The following MAK variants were observed in gnomAD, a reference collection of about 807,000 sequenced individuals.
MAK encodes serine/threonine-protein kinase MAK.
In MAK, 65 loss-of-function variants were observed where a neutral mutation model predicts 82.6. That is an observed-to-expected ratio of 0.79 (90% confidence interval 0.64 to 0.97). MAK has a LOEUF of 0.97. Among genes scored for constraint, MAK ranks in the 50% least tolerant of loss-of-function variants. MAK has a pLI of 0.00. For missense variants in MAK, 703 were observed against 780.2 expected (o/e 0.90, Z 1.18); for synonymous variants, 250 against 274.2 (o/e 0.91, Z 0.87).
rs1775217721 is a variant in MAK, at chr6:10,793,064, T to C, written c.1144-1217A>G. 6.6e-6 allele frequency among the ~76,000 whole-genome samples: 1 copy of C among 151,844 alleles called. No homozygotes were observed. Among genetic ancestry groups the C allele is most frequent in the Admixed American group, 6.6e-5 (1 of 15,252 alleles). Reference sequence around the variant, plus strand: ...GGCAAATATAATACTTTTAATAAAGTAGAAGATTTATTTTTGCAAACTCCA... The same window carrying C: ...GGCAAATATAATACTTTTAATAAAGCAGAAGATTTATTTTTGCAAACTCCA... On this transcript the variant is annotated intron_variant, in intron 9 of 14. Coordinates refer to ENST00000354489, the MANE Select transcript of MAK (RefSeq NM_001242957.3). The surrounding 1 kb of genome is among the most constrained non-coding windows in gnomAD (Gnocchi z 4.6).
rs1775933225 is a variant in MAK at position 10,800,525 on chromosome 6, G to C, written c.831+1367C>G. On this transcript the variant is annotated intron_variant, in intron 8 of 14. Transcript: ENST00000354489. This position sits in a 1 kb window ranked among gnomAD's most constrained non-coding sequence, Gnocchi z 4.2. Reference sequence around the variant, plus strand: ...CCTTTTGTTTCTAACAGTTTAGGGTGCTTTTTTTTTTACACTTTGAAAATG... The same window carrying C: ...CCTTTTGTTTCTAACAGTTTAGGGTCCTTTTTTTTTTACACTTTGAAAATG... Among the ~76,000 whole-genome samples the C allele has an allele frequency of 6.6e-6, 1 of 151,172 alleles. No individual in the cohort carries two copies. The highest frequency in any genetic ancestry group is 6.6e-5 in the Admixed American group (1 of 15,164).
Position 10,770,164 on chromosome 6 carries a change from A to G in MAK, c.1739T>C (p.Val580Ala), listed in dbSNP as rs1772870080. The G allele has an allele frequency of 1.9e-6, 3 of 1,614,058 alleles. No individual in the cohort carries two copies. Among genetic ancestry groups the G allele is most frequent in the African/African-American group, 2.7e-5 (2 of 74,932 alleles). The change falls in exon 14 of 15, where the codon GTG (valine) becomes GCG (alanine). Residue 580 changes from valine (V) to alanine (A), a missense_variant. Val to Ala is a moderately conservative substitution (Grantham distance 64). Transcript: ENST00000354489. ...GYIPSFLKKE[V>A]QSAGQRIHLA... is the part of the protein sequence containing the mutation. ...GTGGATCCTCTGGCCAGCTGACTGCACTTCTTTTTTGAGAAAGGAAGGAAT... is the reference window on the plus strand; with the variant it reads ...GTGGATCCTCTGGCCAGCTGACTGCGCTTCTTTTTTGAGAAAGGAAGGAAT...
At chr6:10,835,737 G>A (rs1409028313) in intron 1 of MAK, among the ~76,000 whole-genome samples, 3 of 152,162 alleles carry the variant, frequency 2.0e-5, no homozygotes, top group Non-Finnish European at 4.4e-5. Flanking sequence ...ATGGAAGAGG[G>A]AGCTGCCTCT....
At chr6:10,766,510 A>G (rs776943610) in intron 14 of MAK, among the ~76,000 whole-genome samples, 1 of 152,258 alleles carries the variant, frequency 6.6e-6, no homozygotes, top group East Asian at 1.9e-4. Flanking sequence ...CTAAAAAGCT[A>G]TCTAACAAAG....
intron 13 of MAK, among the ~76,000 whole-genome samples, chr6:10,770,719 G>C: frequency 6.6e-6 from 1 of 152,146 alleles, no homozygotes; most frequent in East Asian, 1.9e-4. Flanking sequence ...GAATCTGTAC[G>C]CATTAAACGT....
At chr6:10,809,529 G>A (rs1028917875) in intron 5 of MAK, among the ~76,000 whole-genome samples, 5 of 152,090 alleles carry the variant, frequency 3.3e-5, no homozygotes, top group Admixed American at 6.6e-5. Flanking sequence ...GTTTTGCCAC[G>A]TCACCCAGGC....
intron 10 of MAK, among the ~76,000 whole-genome samples, chr6:10,790,900 T>A (rs1346932670): frequency 2.9e-4 from 44 of 152,174 alleles, no homozygotes; most frequent in Non-Finnish European, 4.4e-5. Flanking sequence ...TCACTCTGAG[T>A]TCATGCAAGA....
chr6:10,826,980 A>G (rs956653595), intron 2 of MAK, among the ~76,000 whole-genome samples: 18 of 152,228 alleles, frequency 1.2e-4, no homozygotes, highest in East Asian at 1.9e-4. Flanking sequence ...GCGTGGTGGT[A>G]CATGCCTGTA....
At chr6:10,774,980 T>TA (rs1773339444) in intron 12 of MAK, among the ~76,000 whole-genome samples, 2 of 152,198 alleles carry the variant, frequency 1.3e-5, no homozygotes, top group South Asian at 4.1e-4. Flanking sequence ...ACCTTTTTTT[T>TA]ATTATTGTAC....
intron 13 of MAK, among the ~76,000 whole-genome samples, chr6:10,772,794 G>A (rs1333304018): frequency 3.9e-5 from 6 of 151,958 alleles, no homozygotes; most frequent in African/African-American, 1.5e-4. Flanking sequence ...ATAAATTTCC[G>A]TAATTAATTT....
intron 4 of MAK, among the ~76,000 whole-genome samples, chr6:10,815,944 A>ATATATG: frequency 9.6e-6 from 1 of 104,314 alleles, no homozygotes; most frequent in African/African-American, 3.4e-5. Flanking sequence ...ATATATATAT[A>ATATATG]TATGTATGTT....
intron 11 of MAK, among the ~76,000 whole-genome samples, chr6:10,780,526 C>T (rs1186580181): frequency 6.8e-6 from 1 of 146,020 alleles, no homozygotes; most frequent in Non-Finnish European, 1.5e-5. Context: ...GCGATCTCAG[C>T]TCACTGCAGC....
At chr6:10,821,106 G>A (rs1029554540) in intron 2 of MAK, among the ~76,000 whole-genome samples, 42 of 151,766 alleles carry the variant, frequency 2.8e-4, no homozygotes, top group African/African-American at 8.2e-4. Context: ...ATGCCACCAC[G>A]CCCAGCAACT....
intron 6 of MAK, among the ~76,000 whole-genome samples, chr6:10,804,144 CAACTG>C (rs1776228948): frequency 6.6e-6 from 1 of 151,892 alleles, no homozygotes; most frequent in South Asian, 2.1e-4. Flanking sequence ...GACAGGAACT[CAACTG>C]AATAGATATG....
Position 10,791,830 on chromosome 6 carries a change from CAG to C in MAK, c.1159_1160del (p.Leu387GlufsTer3). On this transcript the variant is annotated frameshift_variant, in exon 10 of 15. Coordinates refer to ENST00000354489, the MANE Select transcript of MAK (RefSeq NM_001242957.3). LOFTEE classifies it high-confidence loss of function. ...KNMPTKPNGT[L>X]SHKSGRRRWG... Reference sequence around the variant, plus strand: ...AACGCCTCCTACCACTTTTATGACTCAGTGTGCCATTTGGCTTCTGTGGTGGA... The same window carrying C: ...AACGCCTCCTACCACTTTTATGACTCTGTGCCATTTGGCTTCTGTGGTGGA... 6.2e-7 allele frequency: 1 copy of C among 1,614,132 alleles called. No homozygotes were observed. The highest frequency in any genetic ancestry group is 8.5e-7 in the Non-Finnish European group (1 of 1,180,030).
intron 11 of MAK, among the ~76,000 whole-genome samples, chr6:10,781,436 T>C (rs1773956474): frequency 6.6e-6 from 1 of 150,754 alleles, no homozygotes; most frequent in Admixed American, 6.6e-5. Flanking sequence ...TTTTTTTTTT[T>C]TTTTTGAGAC....
chr6:10,799,967 G>A (rs7746223), intron 8 of MAK, among the ~76,000 whole-genome samples: 1,912 of 152,262 alleles, frequency 0.013, 39 homozygotes, highest in African/African-American at 0.043. Context: ...AGAATTGCTT[G>A]TATCTGGGAG....
chr6:10,816,579 T>C (rs1777520844), intron 4 of MAK, among the ~76,000 whole-genome samples: 1 of 152,170 alleles, frequency 6.6e-6, no homozygotes, highest in South Asian at 2.1e-4. Context: ...TTTTCAGTAT[T>C]CTAATCCAGT....
chr6:10,806,677 G>A (rs1776488809), intron 6 of MAK, among the ~76,000 whole-genome samples: 1 of 151,702 alleles, frequency 6.6e-6, no homozygotes, highest in Non-Finnish European at 1.5e-5. Context: ...ATTTTTAGTA[G>A]AGACTGGGTT....
Sources: gnomAD v4.1 joint callset for allele counts (sites outside exome capture counted in the v4.1 genomes callset) on GRCh38, gnomAD v4.1.1 for gene constraint, Gnocchi (gnomAD v3.1) non-coding constraint, MANE v1.5 for transcripts, NCBI Gene and HGNC (gene_info 2026-07-23, HGNC 2026-07-21) for gene names.